DMXL2: variants seen among roughly 807,000 people sequenced by gnomAD.
The protein encoded by DMXL2 is Dmx like 2, also known as dmX-like protein 2.
DMXL2 carries 103 observed loss-of-function variants against 331.1 expected under a neutral mutation model. The ratio of observed to expected loss-of-function variants is 0.31; its 90% CI spans 0.27 to 0.37. The LOEUF (loss-of-function observed/expected upper bound fraction) is 0.37. Ranked by LOEUF, DMXL2 falls within the 10% of genes least tolerant of loss-of-function variation. The pLI is 1.00. For missense variants in DMXL2, 3,171 were observed against 3,642.9 expected (o/e 0.87, Z 3.33); for synonymous variants, 1,281 against 1,252.1 (o/e 1.02, Z -0.49).
intron 1 of DMXL2, among the ~76,000 whole-genome samples, chr15:51,607,414 C>T (rs769648077): frequency 6.6e-6 from 1 of 152,044 alleles, no homozygotes; most frequent in African/African-American, 2.4e-5. Flanking sequence ...CGAGACCGCA[C>T]CATTGCACTC....
intron 26 of DMXL2, among the ~76,000 whole-genome samples, 193 bp downstream of exon 26, chr15:51,478,078 A>G (rs1167736950): frequency 3.9e-5 from 6 of 152,122 alleles, no homozygotes; most frequent in East Asian, 3.8e-4. Flanking sequence ...GTTACTTTCT[A>G]TATTTCTCTG....
chr15:51,601,077 G>T (rs1158582281), intron 1 of DMXL2, among the ~76,000 whole-genome samples: 2 of 152,054 alleles, frequency 1.3e-5, no homozygotes. Context: ...GGATCACAAG[G>T]TCAGGATATT....
chr15:51,520,784 G>A (rs1431017810), intron 13 of DMXL2, among the ~76,000 whole-genome samples: 4 of 152,132 alleles, frequency 2.6e-5, no homozygotes, highest in Non-Finnish European at 5.9e-5. Context: ...TTGAACCTGG[G>A]AGGCAGAGGT....
In DMXL2 at chr15:51,471,413, TAGA is replaced by T; in HGVS notation, c.7214-15_7214-13del. 1 of 1,561,086 alleles carries T rather than the reference TAGA, an allele frequency of 6.4e-7. No homozygotes were observed. The highest frequency in any genetic ancestry group is 1.2e-5 in the South Asian group (1 of 82,872). Reference sequence around the variant, plus strand: ...AAGGACAGGAGGTGCTAAATGAAGATAGAAGGAAAAAAAAATCTAGCATTCATT... The same window carrying T: ...AAGGACAGGAGGTGCTAAATGAAGATAGGAAAAAAAAATCTAGCATTCATT... On this transcript the variant is annotated splice_polypyrimidine_tract_variant and intron_variant, in intron 28 of 43. Transcript: ENST00000560891.
chr15:51,459,135 G>T, intron 34 of DMXL2: 1 of 237,756 alleles, frequency 4.2e-6, no homozygotes, highest in Admixed American at 5.0e-5. Context: ...CAATAAGAAT[G>T]TGTATACATT....
At chr15:51,455,917 AAG>A (rs1377740888) in intron 39 of DMXL2, 147 bp downstream of exon 39, 22 of 866,820 alleles carry the variant, frequency 2.5e-5, no homozygotes, top group South Asian at 5.3e-5. Context: ...ATTGGAAGAA[AAG>A]AGAGTGTATG....
intron 2 of DMXL2, among the ~76,000 whole-genome samples, chr15:51,569,184 C>T (rs1027883404): frequency 6.0e-4 from 91 of 152,320 alleles, no homozygotes; most frequent in African/African-American, 2.2e-3. Context: ...AAGCTAAGAT[C>T]CACTGGCTTG....
intron 13 of DMXL2, among the ~76,000 whole-genome samples, chr15:51,518,418 G>A (rs1308814209): frequency 2.0e-5 from 3 of 152,170 alleles, no homozygotes; most frequent in Non-Finnish European, 4.4e-5. Context: ...TAGTTGGTGA[G>A]GTGAAAACAG....
In DMXL2 at chr15:51,471,113, T is replaced by C. The variant is rs1047952005; in HGVS notation, c.7392+110A>G. 12 of 1,025,358 alleles carry C rather than the reference T, an allele frequency of 1.2e-5. No homozygotes were observed. The African/African-American group carries it at 1.4e-4, about 12-fold the overall frequency. The allele number at this position is 1,025,358 out of a possible 1,614,324, so 63.5% of individuals were successfully genotyped here. On this transcript the variant is annotated intron_variant, in intron 29 of 43. Coordinates refer to ENST00000560891, the MANE Select transcript of DMXL2 (RefSeq NM_001378457.1). The stretch of plus-strand genomic sequence containing the variant: ...CTTAATAAATTAAACGTCTAAACTA[T>C]GGTGATTCAATCCAAAAGCTACCCC...
At chr15:51,487,259 CCTTA>C (rs2042460063) in intron 22 of DMXL2, among the ~76,000 whole-genome samples, 1 of 151,982 alleles carries the variant, frequency 6.6e-6, no homozygotes. Flanking sequence ...AGTTTCAGTT[CCTTA>C]TTTATGAATT....
At chr15:51,618,187 A>G (rs147001706) in intron 1 of DMXL2, among the ~76,000 whole-genome samples, 7 of 152,068 alleles carry the variant, frequency 4.6e-5, no homozygotes, top group African/African-American at 1.7e-4. Context: ...TTCCCACTTA[A>G]ATGCTGGTAA....
At chr15:51,590,967 C>T (rs1039749001) in intron 1 of DMXL2, among the ~76,000 whole-genome samples, 5 of 151,984 alleles carry the variant, frequency 3.3e-5, no homozygotes, top group South Asian at 2.1e-4. Context: ...CCAAGATGGC[C>T]GAATAGGAAC....
At chr15:51,543,218 A>C (rs1400726762) in intron 8 of DMXL2, among the ~76,000 whole-genome samples, 1 of 152,294 alleles carries the variant, frequency 6.6e-6, no homozygotes, top group Non-Finnish European at 1.5e-5. Context: ...CCCACCTCAC[A>C]GTAATTCCTT....
intron 1 of DMXL2, among the ~76,000 whole-genome samples, chr15:51,612,202 T>C (rs2054018242): frequency 6.6e-6 from 1 of 152,228 alleles, no homozygotes; most frequent in Admixed American, 6.5e-5. Flanking sequence ...ACCAATTTAA[T>C]ATACAAGATA....
At chr15:51,467,858 C>T (rs992068188) in intron 29 of DMXL2, among the ~76,000 whole-genome samples, 13 of 152,044 alleles carry the variant, frequency 8.6e-5, no homozygotes, top group Admixed American at 5.9e-4. Flanking sequence ...TCCCGAGTAG[C>T]TGGGACTACA....
At chr15:51,608,551 A>G (rs1415541608) in intron 1 of DMXL2, among the ~76,000 whole-genome samples, 1 of 152,248 alleles carries the variant, frequency 6.6e-6, no homozygotes, top group Non-Finnish European at 1.5e-5. Context: ...AACACTGAGT[A>G]CACATGGACA....
chr15:51,534,365 CTT>C (rs1351392371), intron 13 of DMXL2, among the ~76,000 whole-genome samples: 1 of 152,124 alleles, frequency 6.6e-6, no homozygotes, highest in East Asian at 1.9e-4. Context: ...AGAAAGCTGT[CTT>C]TTAATATCTT....
At chr15:51,455,116 G>A (rs769439743) in intron 40 of DMXL2, 35 bp downstream of exon 40, 1 of 1,497,482 alleles carries the variant, frequency 6.7e-7, no homozygotes, top group Non-Finnish European at 9.3e-7. Flanking sequence ...AAAGTGTTGT[G>A]TATATGCGCC....
intron 41 of DMXL2, 113 bp from the exon 42 acceptor site, chr15:51,451,810 G>C: frequency 1.2e-6 from 1 of 851,970 alleles, no homozygotes; most frequent in Non-Finnish European, 1.9e-6. Flanking sequence ...TATCTTTTTT[G>C]TTCACTCACA....
Sources: allele counts gnomAD v4.1 joint callset (sites outside exome capture counted in the v4.1 genomes callset), GRCh38; gene constraint gnomAD v4.1.1; transcripts MANE v1.5; gene names NCBI Gene and HGNC (gene_info 2026-07-23, HGNC 2026-07-21).